The following AKR1C3 variants were observed in gnomAD, a reference collection of about 807,000 sequenced individuals.
AKR1C3 encodes the protein 3-alpha hydroxysteroid dehydrogenase, type II.
Under a neutral mutation model 43.6 loss-of-function variants are expected in AKR1C3, and 48 were observed. The observed-to-expected ratio is 1.10, with a 90% CI of 0.87 to 1.40. The LOEUF (loss-of-function observed/expected upper bound fraction) is 1.40. Among genes scored for constraint, AKR1C3 ranks in the 40% most tolerant of loss-of-function variants. The pLI is 0.00. For missense variants in AKR1C3, 482 were observed against 391.2 expected (o/e 1.23, Z -1.96); for synonymous variants, 162 against 139.6 (o/e 1.16, Z -1.13).
chr10:5,073,026 C>G (rs1838644176), intron 1 of AKR1C3, among the ~76,000 whole-genome samples: 1 of 152,090 alleles, frequency 6.6e-6, no homozygotes, highest in Admixed American at 6.5e-5. Flanking sequence ...TGTAGTGGCA[C>G]AATCTTGGCT....
At chr10:5,074,751 G>A (rs1554781652) in intron 1 of AKR1C3, among the ~76,000 whole-genome samples, 1 of 152,110 alleles carries the variant, frequency 6.6e-6, no homozygotes, top group Non-Finnish European at 1.5e-5. Context: ...CCCATATTTT[G>A]TCCACAAGGA....
upstream of AKR1C3, among the ~76,000 whole-genome samples, chr10:5,091,708 T>G (rs1299311422): frequency 1.3e-5 from 2 of 152,172 alleles, no homozygotes; most frequent in Non-Finnish European, 2.9e-5. Flanking sequence ...CTTCCACAGC[T>G]TCGTTTCCAC....
chr10:5,050,782 C>G (rs1203269025), intron 1 of AKR1C3, among the ~76,000 whole-genome samples: 3 of 151,926 alleles, frequency 2.0e-5, no homozygotes, highest in African/African-American at 7.3e-5. Context: ...TTGCATATTC[C>G]TGGATATTGG....
At chr10:5,101,311 T>TA (rs1839342349) in intron 5 of AKR1C3, among the ~76,000 whole-genome samples, 1 of 152,210 alleles carries the variant, frequency 6.6e-6, no homozygotes. Flanking sequence ...CTTTTGTATT[T>TA]AATGGTTATT....
intron 1 of AKR1C3, among the ~76,000 whole-genome samples, chr10:5,057,288 G>T (rs1838281368): frequency 6.6e-6 from 1 of 152,178 alleles, no homozygotes; most frequent in Non-Finnish European, 1.5e-5. Flanking sequence ...GAACCACCAA[G>T]GTTTGTTTGT....
rs1351779303 is a variant in AKR1C3, at chr10:5,102,780, G to A, written c.846+130G>A. 8 of 1,486,020 alleles carry A rather than the reference G, an allele frequency of 5.4e-6. No individual in the cohort carries two copies. In the Admixed American group the frequency reaches 1.1e-4, roughly 21 times the overall value. 92.1% of individuals were successfully genotyped at this position (1,486,020 alleles called of 1,614,324 possible). On this transcript the variant is annotated intron_variant, in intron 7 of 8. Transcript: ENST00000380554. Reference sequence around the variant, plus strand: ...TATTTCCCATATGAATGCTTTGCGTGCATCCTGAGGGTTTCTTCTACTCTA... The same window carrying A: ...TATTTCCCATATGAATGCTTTGCGTACATCCTGAGGGTTTCTTCTACTCTA...
chr10:5,048,847 T>G (rs915424390), exon 1 of AKR1C3: 11 of 1,614,024 alleles, frequency 6.8e-6, no homozygotes, highest in Admixed American at 5.0e-5. Flanking sequence ...AGCTAAATGA[T>G]GGTCACTTCA....
At chr10:5,085,348 CT>C (rs1838938521) in intron 1 of AKR1C3, among the ~76,000 whole-genome samples, 1 of 151,870 alleles carries the variant, frequency 6.6e-6, no homozygotes, top group Non-Finnish European at 1.5e-5. Context: ...TGGTTTTTGT[CT>C]TTGGTTCTGT....
chr10:5,099,212 C>G (rs1373680327), intron 4 of AKR1C3, 115 bp from the exon 5 acceptor site: 12 of 1,531,194 alleles, frequency 7.8e-6, no homozygotes, highest in Non-Finnish European at 9.7e-6. Context: ...ACAATCACTG[C>G]TAGCTATTTT....
chr10:5,102,631 G>A lies in AKR1C3; in HGVS notation c.827G>A (p.Arg276His), dbSNP rs372037908. The change falls in exon 7 of 9, where the codon CGC (arginine) becomes CAC (histidine). Residue 276 changes from arginine to histidine, a missense_variant. Transcript: ENST00000380554. ...CTGGCCAAGAGCTACAATGAGCAGC[G>A]CATCAGACAGAACGTGCAGGTGAGG... ...VVLAKSYNEQRIRQNVQVFEF... is the reference protein window; with the variant it reads ...VVLAKSYNEQHIRQNVQVFEF... 30 of 1,481,832 alleles carry A rather than the reference G, an allele frequency of 2.0e-5. No homozygotes were observed. Among genetic ancestry groups the A allele is most frequent in the Non-Finnish European group, 2.2e-5 (25 of 1,115,406 alleles). 91.8% of individuals were successfully genotyped at this position (1,481,832 alleles called of 1,614,324 possible).
In AKR1C3 at chr10:5,102,486, G is replaced by C; in HGVS notation, c.682G>C (p.Val228Leu). Residue 228 changes from valine to leucine, a missense_variant and splice_region_variant, in exon 7 of 9, where the codon GTG (valine) becomes CTG (leucine). Physicochemically the swap from Val to Leu is conservative, Grantham distance 32. Coordinates refer to ENST00000380554, the MANE Select transcript of AKR1C3 (RefSeq NM_003739.6). ...ALGSQRDKRW[V>L]DPNSPVLLED... ...CAGCCTTTCTGCCTTTCCTTCCAGG[G>C]TGGACCCGAACTCCCCGGTGCTCTT... The C allele has an allele frequency of 1.3e-6, 2 of 1,539,942 alleles. No homozygotes were observed. Among genetic ancestry groups the C allele is most frequent in the South Asian group, 2.6e-5 (2 of 77,424 alleles).
chr10:5,106,413 G>C (rs148061459), intron 8 of AKR1C3, among the ~76,000 whole-genome samples: 1 of 152,082 alleles, frequency 6.6e-6, no homozygotes, highest in Non-Finnish European at 1.5e-5. Context: ...CATGGTCTAA[G>C]GTTCTAGGAT....
chr10:5,055,032 G>A (rs1838231138), intron 1 of AKR1C3, among the ~76,000 whole-genome samples: 1 of 152,234 alleles, frequency 6.6e-6, no homozygotes, highest in South Asian at 2.1e-4. Context: ...GATTAGATAA[G>A]CATACTTGCT....
chr10:5,077,107 A>G (rs114254399), intron 1 of AKR1C3, among the ~76,000 whole-genome samples: 2,226 of 152,148 alleles, frequency 0.015, 52 homozygotes, highest in African/African-American at 0.05. Context: ...TTTTCACTAA[A>G]GAACATTCGT....
chr10:5,084,113 T>G (rs1838904003), intron 1 of AKR1C3, among the ~76,000 whole-genome samples: 1 of 152,224 alleles, frequency 6.6e-6, no homozygotes, highest in South Asian at 2.1e-4. Flanking sequence ...TGGCTTCTGT[T>G]GCCATTGCTT....
chr10:5,077,921 G>A (rs560135328), intron 1 of AKR1C3: 6 of 631,714 alleles, frequency 9.5e-6, no homozygotes, highest in African/African-American at 5.7e-5. Context: ...TTGAAAAATC[G>A]ATTCATCAAA....
At chr10:5,075,738 G>T (rs1471495837) in intron 1 of AKR1C3, among the ~76,000 whole-genome samples, 2 of 152,136 alleles carry the variant, frequency 1.3e-5, no homozygotes, top group Admixed American at 1.3e-4. Context: ...GCCGGGCATG[G>T]TGGTGCATGC....
chr10:5,073,013 G>T (rs1203142416), intron 1 of AKR1C3, among the ~76,000 whole-genome samples: 1 of 152,046 alleles, frequency 6.6e-6, no homozygotes, highest in Admixed American at 6.5e-5. Flanking sequence ...TCCCAGGTTA[G>T]AGTGTAGTGG....
chr10:5,069,924 T>A (rs1268616136), intron 1 of AKR1C3, among the ~76,000 whole-genome samples: 2 of 151,648 alleles, frequency 1.3e-5, no homozygotes, highest in African/African-American at 4.8e-5. Context: ...GGGCAAATAG[T>A]CCCATTCATT....
Sources: gnomAD v4.1 joint callset for allele counts (sites outside exome capture counted in the v4.1 genomes callset) on GRCh38, gnomAD v4.1.1 for gene constraint, MANE v1.5 for transcripts, NCBI Gene and HGNC (gene_info 2026-07-23, HGNC 2026-07-21) for gene names.